The following NEDD9 variants were observed in gnomAD, a reference collection of about 807,000 sequenced individuals.
The protein encoded by NEDD9 is neural precursor cell expressed, developmentally down-regulated 9, also known as enhancer of filamentation 1.
Under a neutral mutation model 76.6 loss-of-function variants are expected in NEDD9, and 26 were observed. The observed-to-expected ratio is 0.34, with a 90% confidence interval of 0.25 to 0.47. The LOEUF is 0.47. NEDD9 is among the 20% of genes least tolerant of loss of function. The pLI, the probability that NEDD9 is intolerant of heterozygous loss-of-function variation, is 1.00. For synonymous variants in NEDD9, 392 were observed against 414.2 expected (o/e 0.95, Z 0.65); for missense variants, 937 against 1,058.5 (o/e 0.89, Z 1.59).
chr6:11,368,634 T>C (rs1276008227), intron 1 of NEDD9, among the ~76,000 whole-genome samples: 1 of 152,252 alleles, frequency 6.6e-6, no homozygotes, highest in African/African-American at 2.4e-5. Context: ...TCTATTTCAT[T>C]TGAGTGCTTG....
At position 11,190,010 on chromosome 6, in the gene NEDD9, C is replaced by T. The variant is rs1300284115; in HGVS notation, c.1859G>A (p.Gly620Asp). Reference protein sequence around the residue: ...EQAPDCSSSDGSERSWMDDYD... With the variant: ...EQAPDCSSSDDSERSWMDDYD... ...GTCATCCATCCAGCTCCTCTCAGAA[C>T]CATCACTGCTGCTACAGTCAGGGGC... is the stretch of plus-strand genomic sequence containing the variant. Residue 620 changes from glycine (G) to aspartate (D), a missense_variant, in exon 5 of 7, where the codon GGT becomes GAT. Transcript: ENST00000379446. This position sits in a 1 kb window ranked among gnomAD's most constrained non-coding sequence, Gnocchi z 5.8. 6.5e-7 allele frequency: 1 copy of T among 1,530,628 alleles called. No homozygotes were observed. The highest frequency in any genetic ancestry group is 2.2e-5 in the Admixed American group (1 of 46,196). 94.8% of individuals were successfully genotyped at this position (1,530,628 alleles called of 1,614,324 possible). A position where few individuals can be genotyped will look rare whatever the true frequency, so the allele number is the denominator to read the frequency against.
intron 1 of NEDD9, among the ~76,000 whole-genome samples, chr6:11,219,251 T>C (rs1350570130): frequency 6.6e-6 from 1 of 152,200 alleles, no homozygotes; most frequent in African/African-American, 2.4e-5. Flanking sequence ...TTATTACTCC[T>C]ATGTCAGAGA....
chr6:11,200,645 G>C, intron 2 of NEDD9: 5 of 1,146,990 alleles, frequency 4.4e-6, no homozygotes, highest in Non-Finnish European at 5.4e-6. Flanking sequence ...AAGTCAGATA[G>C]AAAGAAATCA....
In NEDD9 at chr6:11,345,315, T is replaced by G. The variant is rs1233142473; in HGVS notation, c.-213-10754A>C. ...AAGAAAACTGAGTGACAAGGAACTG[T>G]GACATCTGTGACTTATTTTGACAGT... On this transcript the variant is annotated intron_variant, in intron 1 of 3. Transcript: ENST00000397378. Among the ~76,000 whole-genome samples, 3 of 152,226 alleles carry G rather than the reference T, an allele frequency of 2.0e-5. No homozygotes were observed. In the East Asian group the frequency reaches 5.8e-4, roughly 29 times the overall value.
At chr6:11,376,124 C>T (rs1401754852) in intron 1 of NEDD9, among the ~76,000 whole-genome samples, 1 of 152,160 alleles carries the variant, frequency 6.6e-6, no homozygotes, top group East Asian at 1.9e-4. Flanking sequence ...GTGCCCGGTC[C>T]CCACTTTTTT....
At chr6:11,216,320 C>T (rs1461211238) in intron 1 of NEDD9, among the ~76,000 whole-genome samples, 1 of 152,220 alleles carries the variant, frequency 6.6e-6, no homozygotes, top group African/African-American at 2.4e-5. Flanking sequence ...TCTGCGCAAG[C>T]TACAGAGAGC....
intron 1 of NEDD9, among the ~76,000 whole-genome samples, chr6:11,345,606 T>A (rs1762350165): frequency 6.6e-6 from 1 of 152,256 alleles, no homozygotes; most frequent in South Asian, 2.1e-4. Context: ...AGGGGAACCT[T>A]AGATCATACA....
chr6:11,355,384 T>A (rs1221096418), intron 1 of NEDD9, among the ~76,000 whole-genome samples: 1 of 152,214 alleles, frequency 6.6e-6, no homozygotes, highest in African/African-American at 2.4e-5. Flanking sequence ...GTAATTTGAA[T>A]TCTTCTTGCA....
intron 3 of NEDD9, among the ~76,000 whole-genome samples, chr6:11,245,652 C>G (rs181394589): frequency 4.6e-5 from 7 of 152,222 alleles, no homozygotes; most frequent in Admixed American, 2.0e-4. Flanking sequence ...AAAATCACAC[C>G]GTAAAGTTAT....
At chr6:11,264,250 C>G (rs1760163309) in intron 3 of NEDD9, among the ~76,000 whole-genome samples, 1 of 152,172 alleles carries the variant, frequency 6.6e-6, no homozygotes, top group Admixed American at 6.5e-5. Context: ...AGCTGGACTC[C>G]CATCACCTCC....
chr6:11,292,106 G>A (rs1023342056), intron 3 of NEDD9, among the ~76,000 whole-genome samples: 1 of 152,068 alleles, frequency 6.6e-6, no homozygotes, highest in African/African-American at 2.4e-5. Flanking sequence ...CACAGATAAG[G>A]TTTTCATCTG....
intron 1 of NEDD9, among the ~76,000 whole-genome samples, chr6:11,358,811 A>G (rs917028703): frequency 1.3e-5 from 2 of 152,200 alleles, no homozygotes; most frequent in African/African-American, 4.8e-5. Flanking sequence ...GGAGAGACTT[A>G]AACAACTCTT....
intron 3 of NEDD9, among the ~76,000 whole-genome samples, chr6:11,264,360 G>A (rs1235010708): frequency 2.6e-5 from 4 of 152,128 alleles, no homozygotes; most frequent in Non-Finnish European, 5.9e-5. Flanking sequence ...CCAGCATCCC[G>A]CGCTCATAGG....
chr6:11,264,091 T>C (rs539165316), intron 3 of NEDD9, among the ~76,000 whole-genome samples: 39 of 152,290 alleles, frequency 2.6e-4, no homozygotes, highest in African/African-American at 9.1e-4. Context: ...GTTCCCCGGA[T>C]GTGGAAGGCA....
chr6:11,233,324 T>C (rs777085951), upstream of NEDD9: 6 of 518,938 alleles, frequency 1.2e-5, no homozygotes, highest in Admixed American at 7.8e-5. Context: ...CACCAGCGTT[T>C]TCCTGGACAG....
At chr6:11,203,089 T>C (rs911745117) in intron 2 of NEDD9, among the ~76,000 whole-genome samples, 1 of 152,192 alleles carries the variant, frequency 6.6e-6, no homozygotes, top group Non-Finnish European at 1.5e-5. Flanking sequence ...TATTTAGTTA[T>C]AGAGTGACCA....
At chr6:11,300,161 C>T (rs1582008258) in intron 3 of NEDD9, among the ~76,000 whole-genome samples, 1 of 152,106 alleles carries the variant, frequency 6.6e-6, no homozygotes, top group African/African-American at 2.4e-5. Context: ...GTAGAGAAGA[C>T]CTTAAATGAC....
At chr6:11,217,679 G>A (rs541637433) in intron 1 of NEDD9, among the ~76,000 whole-genome samples, 2 of 152,326 alleles carry the variant, frequency 1.3e-5, no homozygotes, top group East Asian at 3.9e-4. Context: ...AGCTCACCTG[G>A]CAAGAAAGTC....
intron 1 of NEDD9, among the ~76,000 whole-genome samples, chr6:11,381,680 G>A (rs983436610): frequency 6.6e-6 from 1 of 152,182 alleles, no homozygotes; most frequent in African/African-American, 2.4e-5. Flanking sequence ...CCAATCCTCA[G>A]TCACCATTTC....
Sources: allele counts gnomAD v4.1 joint callset (sites outside exome capture counted in the v4.1 genomes callset), GRCh38; gene constraint gnomAD v4.1.1; non-coding constraint Gnocchi (gnomAD v3.1); transcripts MANE v1.5; gene names NCBI Gene and HGNC (gene_info 2026-07-23, HGNC 2026-07-21).